SLC2A13: variants seen among roughly 807,000 people sequenced by gnomAD.
The protein encoded by SLC2A13 is solute carrier family 2 member 13.
In SLC2A13, 32 loss-of-function variants were observed where a neutral mutation model predicts 64.4. The observed-to-expected ratio is 0.50, with a 90% CI of 0.37 to 0.67. SLC2A13 has a LOEUF of 0.67. SLC2A13 is among the 30% of genes least tolerant of loss of function. The pLI is 0.00. For missense variants in SLC2A13, 743 were observed against 829.2 expected (o/e 0.90, Z 1.28); for synonymous variants, 338 against 327.1 (o/e 1.03, Z -0.36).
chr12:40,083,715 G>A (rs1187304691), intron 1 of SLC2A13, among the ~76,000 whole-genome samples: 2 of 152,172 alleles, frequency 1.3e-5, no homozygotes, highest in African/African-American at 2.4e-5. Flanking sequence ...TGCCATTGGT[G>A]TTCAATGAGC....
At chr12:39,801,355 A>T (rs907478797) in intron 7 of SLC2A13, among the ~76,000 whole-genome samples, 5 of 142,790 alleles carry the variant, frequency 3.5e-5, no homozygotes, top group African/African-American at 1.0e-4. Context: ...AAAAAAAAAA[A>T]AAAAAGAAAG....
At chr12:40,041,029 C>T (rs576209205) in intron 2 of SLC2A13, among the ~76,000 whole-genome samples, 1 of 152,256 alleles carries the variant, frequency 6.6e-6, no homozygotes, top group East Asian at 1.9e-4. Context: ...TCTTGGCTCA[C>T]TGCAACCTCT....
chr12:39,978,426 T>A (rs946459530), intron 3 of SLC2A13, among the ~76,000 whole-genome samples: 1 of 152,146 alleles, frequency 6.6e-6, no homozygotes, highest in African/African-American at 2.4e-5. Flanking sequence ...TTCATCACAC[T>A]GGGGAGTGCC....
intron 7 of SLC2A13, among the ~76,000 whole-genome samples, chr12:39,777,231 G>T (rs914822709): frequency 6.6e-6 from 1 of 152,170 alleles, no homozygotes; most frequent in Non-Finnish European, 1.5e-5. Context: ...GTGAAAAGAA[G>T]AGACCGGACT....
At chr12:39,802,042 A>G (rs149679942) in intron 7 of SLC2A13, among the ~76,000 whole-genome samples, 12 of 152,296 alleles carry the variant, frequency 7.9e-5, no homozygotes, top group Non-Finnish European at 1.8e-4. Flanking sequence ...TCATGATGAA[A>G]AAACTACAAA....
At chr12:40,095,763 A>C (rs1170618481) in intron 1 of SLC2A13, among the ~76,000 whole-genome samples, 1 of 152,262 alleles carries the variant, frequency 6.6e-6, no homozygotes, top group African/African-American at 2.4e-5. Flanking sequence ...TTAGTAATTC[A>C]AAATAAACTT....
intron 1 of SLC2A13, among the ~76,000 whole-genome samples, chr12:40,064,176 T>C (rs1285671602): frequency 6.6e-6 from 1 of 152,084 alleles, no homozygotes; most frequent in African/African-American, 2.4e-5. Context: ...GTCCGCAAGT[T>C]CAAGGCTGCA....
Position 39,864,825 on chromosome 12 carries a change from G to A in SLC2A13, c.1256C>T (p.Ser419Phe), listed in dbSNP as rs1253733676. 1 of 1,614,004 alleles carries A rather than the reference G, an allele frequency of 6.2e-7. No individual in the cohort carries two copies. Among genetic ancestry groups the A allele is most frequent in the Non-Finnish European group, 8.5e-7 (1 of 1,179,956 alleles). ...ALGFVLSAQV[S>F]PRITFKPIAP... ...TATTGGCTTAAAAGTGATGCGTGGG[G>A]AAACTTGGGCTGATAGCACAAATCC... The change falls in exon 6 of 10, where the codon TCC becomes TTC. Residue 419 changes from serine to phenylalanine, a missense_variant. Around this residue, in one of 2 missense-constraint regions of SLC2A13, gnomAD observed 295 missense variants for 381.7 expected, o/e 0.77. Transcript: ENST00000280871.
At chr12:39,847,978 CACCTGGCACAAATGCAGT>C (rs1336601319) in intron 6 of SLC2A13, among the ~76,000 whole-genome samples, 1 of 152,102 alleles carries the variant, frequency 6.6e-6, no homozygotes, top group Non-Finnish European at 1.5e-5. Flanking sequence ...GTTTCCTTAA[CACCTGGCACAAATGCAGT>C]ACCTGGTGCA....
At chr12:39,945,899 C>T (rs934821027) in intron 4 of SLC2A13, among the ~76,000 whole-genome samples, 7 of 143,466 alleles carry the variant, frequency 4.9e-5, no homozygotes, top group South Asian at 2.3e-4. Context: ...GGTGAATTAG[C>T]GTGATTTTTT....
chr12:39,790,843 A>C (rs560664092), intron 7 of SLC2A13, among the ~76,000 whole-genome samples: 23 of 49,812 alleles, frequency 4.6e-4, no homozygotes, highest in African/African-American at 1.2e-3. Flanking sequence ...CCAACAGTGT[A>C]AAAGTGTTCC....
chr12:39,975,311 G>A (rs1946740128), intron 3 of SLC2A13, among the ~76,000 whole-genome samples: 1 of 152,134 alleles, frequency 6.6e-6, no homozygotes, highest in African/African-American at 2.4e-5. Context: ...GGAGGGAAGT[G>A]AAAAAAATTT....
chr12:39,926,317 C>A (rs553164703), intron 4 of SLC2A13, among the ~76,000 whole-genome samples: 1 of 152,172 alleles, frequency 6.6e-6, no homozygotes, highest in Admixed American at 6.5e-5. Context: ...ATCTTACATA[C>A]AAATCTCAGG....
intron 4 of SLC2A13, chr12:39,951,010 C>T (rs751559497): frequency 6.1e-5 from 25 of 412,660 alleles, no homozygotes; most frequent in East Asian, 3.6e-4. Flanking sequence ...TATTGGATGG[C>T]GTAAAAGAGA....
intron 7 of SLC2A13, among the ~76,000 whole-genome samples, chr12:39,790,267 T>G (rs1941341941): frequency 6.6e-6 from 1 of 151,718 alleles, no homozygotes; most frequent in South Asian, 2.1e-4. Context: ...ATGTGCACAT[T>G]GTGCAGGTTA....
chr12:40,042,209 G>C (rs1481085364), intron 2 of SLC2A13, among the ~76,000 whole-genome samples: 3 of 151,924 alleles, frequency 2.0e-5, no homozygotes, highest in African/African-American at 7.2e-5. Flanking sequence ...GTTGTACATA[G>C]TTTAGTGAGG....
chr12:39,822,917 C>T (rs758229205), intron 7 of SLC2A13, among the ~76,000 whole-genome samples: 5 of 152,066 alleles, frequency 3.3e-5, no homozygotes, highest in Admixed American at 1.3e-4. Flanking sequence ...TTAATATGGA[C>T]GAGGGAGATA....
chr12:39,851,002 C>G (rs565592069), intron 6 of SLC2A13, among the ~76,000 whole-genome samples: 16 of 151,872 alleles, frequency 1.1e-4, no homozygotes, highest in African/African-American at 3.9e-4. Context: ...TGGGTTCAAG[C>G]AATTCTCTTG....
chr12:39,968,806 A>ATATATATATC (rs1565567393), intron 3 of SLC2A13, among the ~76,000 whole-genome samples: 1 of 105,552 alleles, frequency 9.5e-6, no homozygotes, highest in Non-Finnish European at 1.9e-5. Context: ...ATATATATAT[A>ATATATATATC]TCTACATTAT....
Sources: allele counts gnomAD v4.1 joint callset (sites outside exome capture counted in the v4.1 genomes callset), GRCh38; gene constraint gnomAD v4.1.1; regional missense constraint gnomAD v4.1.1; transcripts MANE v1.5; gene names NCBI Gene and HGNC (gene_info 2026-07-23, HGNC 2026-07-21).